The following PXK variants were observed in gnomAD, a reference collection of about 807,000 sequenced individuals.
PXK encodes the protein PX domain-containing protein kinase-like protein.
PXK carries 35 observed loss-of-function variants against 84.7 expected under a neutral mutation model. The observed-to-expected ratio is 0.41, with a 90% CI of 0.32 to 0.55. PXK has a LOEUF of 0.55. PXK is among the 20% of genes least tolerant of loss of function. The probability of loss-of-function intolerance (pLI) is 0.21; values close to 1 mark genes in which losing one functional copy is unlikely to be tolerated. For missense variants in PXK, 634 were observed against 699.7 expected (o/e 0.91, Z 1.06); for synonymous variants, 253 against 260.8 (o/e 0.97, Z 0.29).
chr3:58,345,281 C>T (rs2097795214), intron 1 of PXK, among the ~76,000 whole-genome samples: 1 of 152,120 alleles, frequency 6.6e-6, no homozygotes, highest in Middle Eastern at 3.2e-3. Context: ...CAGTATGCCT[C>T]AGCCTTTTCT....
At chr3:58,355,087 T>G (rs1054244944) in intron 1 of PXK, among the ~76,000 whole-genome samples, 2 of 151,286 alleles carry the variant, frequency 1.3e-5, no homozygotes, top group African/African-American at 4.9e-5. Flanking sequence ...ATTGTGAATT[T>G]TACTCCAGCC....
At chr3:58,408,624 G>A (rs942255721) in intron 13 of PXK, among the ~76,000 whole-genome samples, 4 of 151,570 alleles carry the variant, frequency 2.6e-5, no homozygotes, top group Admixed American at 2.0e-4. Context: ...CCGGGTTCAC[G>A]CCATTCTCCT....
intron 2 of PXK, among the ~76,000 whole-genome samples, chr3:58,369,155 C>T (rs2098325475): frequency 6.6e-6 from 1 of 152,164 alleles, no homozygotes; most frequent in African/African-American, 2.4e-5. Context: ...GGGCTGTTTG[C>T]CCTGAAAACA....
chr3:58,397,590 C>T lies in PXK; in HGVS notation c.985-15C>T. The stretch of plus-strand genomic sequence containing the variant: ...AAAGTGAAGGGTGAACACGCTGCTA[C>T]TCTTTCTTCCACAGACATTGGAAAG... On this transcript the variant is annotated splice_polypyrimidine_tract_variant and intron_variant, in intron 10 of 17. Coordinates refer to ENST00000356151, the MANE Select transcript of PXK (RefSeq NM_017771.5). The surrounding 1 kb of genome is among the most constrained non-coding windows in gnomAD (Gnocchi z 4.7). The T allele has an allele frequency of 4.4e-6, 7 of 1,601,084 alleles. No individual in the cohort carries two copies. Among genetic ancestry groups the T allele is most frequent in the Non-Finnish European group, 6.0e-6 (7 of 1,168,100 alleles).
At chr3:58,358,637 G>A (rs937892697) in intron 1 of PXK, among the ~76,000 whole-genome samples, 3 of 152,062 alleles carry the variant, frequency 2.0e-5, no homozygotes, top group Admixed American at 2.0e-4. Context: ...TGTTGTGGGG[G>A]TCTCCTGTGC....
At chr3:58,352,561 A>AT (rs1403698251) in intron 1 of PXK, among the ~76,000 whole-genome samples, 4 of 152,214 alleles carry the variant, frequency 2.6e-5, no homozygotes, top group Admixed American at 1.3e-4. Flanking sequence ...TGAGCTTCAG[A>AT]TTTTTAAAGT....
intron 3 of PXK, among the ~76,000 whole-genome samples, chr3:58,382,233 T>C (rs187997055): frequency 9.3e-4 from 141 of 152,252 alleles, no homozygotes; most frequent in Non-Finnish European, 1.7e-3. Flanking sequence ...GGAGAATCTC[T>C]TGAAGTCAGG....
Position 58,390,810 on chromosome 3 carries a change from A to T in PXK, c.466+151A>T. 1.4e-6 allele frequency: 1 copy of T among 699,612 alleles called. No individual in the cohort carries two copies. The highest frequency in any genetic ancestry group is 2.3e-6 in the Non-Finnish European group (1 of 430,520). The allele number at this position is 699,612 out of a possible 1,614,324, so 43.3% of individuals were successfully genotyped here. ...TCAACTGCTTGAGGATACAGCTGGTAACTTTTAATACTTAATGAACCTTGG... is the reference window on the plus strand; with the variant it reads ...TCAACTGCTTGAGGATACAGCTGGTTACTTTTAATACTTAATGAACCTTGG... On this transcript the variant is annotated intron_variant, in intron 5 of 17. Coordinates refer to ENST00000356151, the MANE Select transcript of PXK (RefSeq NM_017771.5). The surrounding 1 kb of genome is among the most constrained non-coding windows in gnomAD (Gnocchi z 4.2).
intron 3 of PXK, among the ~76,000 whole-genome samples, chr3:58,382,053 T>C (rs888509086): frequency 6.6e-6 from 1 of 152,132 alleles, no homozygotes; most frequent in Admixed American, 6.6e-5. Flanking sequence ...TGGTGGCTCA[T>C]ACCTGTAATC....
At chr3:58,368,239 C>G (rs62258074) in intron 2 of PXK, among the ~76,000 whole-genome samples, 34,678 of 152,164 alleles carry the variant, frequency 0.23, 5,895 homozygotes, top group East Asian at 0.81. Context: ...GAGAGAGCAA[C>G]CTCTAGGTTT....
At chr3:58,423,564 G>A (rs1023170800) in intron 17 of PXK, 2 of 1,518,562 alleles carry the variant, frequency 1.3e-6, no homozygotes, top group African/African-American at 1.4e-5. Flanking sequence ...GTACTTACCT[G>A]AGTATTGTGT....
chr3:58,402,821 C>G (rs1167860918), intron 12 of PXK, among the ~76,000 whole-genome samples: 2 of 140,066 alleles, frequency 1.4e-5, no homozygotes, highest in Non-Finnish European at 3.1e-5. Context: ...TTATTTTTAA[C>G]TTTTAGGTGT....
At chr3:58,387,062 T>A (rs1329807067) in intron 4 of PXK, among the ~76,000 whole-genome samples, 1 of 152,196 alleles carries the variant, frequency 6.6e-6, no homozygotes, top group African/African-American at 2.4e-5. Flanking sequence ...GAGGAGTCAG[T>A]GTTTGTTCCC....
intron 17 of PXK, chr3:58,413,804 A>G (rs2060568500): frequency 6.6e-6 from 1 of 152,036 alleles, no homozygotes; most frequent in Non-Finnish European, 1.5e-5. Context: ...AGGGAGAATC[A>G]TTGGCAGGGA....
At chr3:58,394,934 C>A in intron 7 of PXK, 64 bp from the exon 8 acceptor site, 1 of 1,234,928 alleles carries the variant, frequency 8.1e-7, no homozygotes, top group Non-Finnish European at 1.2e-6. Context: ...ATAACCAGAT[C>A]CTGTATTTAA....
At chr3:58,386,798 A>T (rs1335714472) in intron 4 of PXK, among the ~76,000 whole-genome samples, 1 of 152,196 alleles carries the variant, frequency 6.6e-6, no homozygotes, top group Non-Finnish European at 1.5e-5. Context: ...GTGGGCCCAC[A>T]TCCTGACCTA....
At chr3:58,341,158 T>C (rs952643679) in intron 1 of PXK, among the ~76,000 whole-genome samples, 2 of 152,146 alleles carry the variant, frequency 1.3e-5, no homozygotes, top group African/African-American at 4.8e-5. Flanking sequence ...TGGTAAATAC[T>C]TGGACCTCAG....
chr3:58,365,935 T>TC lies in PXK; in HGVS notation c.153+11_153+12insC. The TC allele has an allele frequency of 8.4e-7, 1 of 1,187,964 alleles. No individual in the cohort carries two copies. Among genetic ancestry groups the TC allele is most frequent in the Non-Finnish European group, 1.1e-6 (1 of 874,292 alleles). The allele number at this position is 1,187,964 out of a possible 1,614,324, so 73.6% of individuals were successfully genotyped here. On this transcript the variant is annotated intron_variant, in intron 2 of 17. Coordinates refer to ENST00000356151, the MANE Select transcript of PXK (RefSeq NM_017771.5). ...GAAAACAGCTGGCAGGTAAGCATCT[T>TC]TTTTTTTTTTTTTGTCAATTAGAAA...
At chr3:58,410,042 T>C in intron 15 of PXK, 48 bp from the exon 16 acceptor site, 2 of 1,222,032 alleles carry the variant, frequency 1.6e-6, no homozygotes, top group Non-Finnish European at 2.4e-6. Context: ...ACTGTGTTTA[T>C]TCTTTGCTTT....
Sources: gnomAD v4.1 joint callset for allele counts (sites outside exome capture counted in the v4.1 genomes callset) on GRCh38, gnomAD v4.1.1 for gene constraint, Gnocchi (gnomAD v3.1) non-coding constraint, MANE v1.5 for transcripts, NCBI Gene and HGNC (gene_info 2026-07-23, HGNC 2026-07-21) for gene names.